The following NXPH1 variants were observed in gnomAD, a reference collection of about 807,000 sequenced individuals.
NXPH1 encodes the protein neurexophilin 1, also known as neurexophilin-1.
In NXPH1, 5 loss-of-function variants were observed where a neutral mutation model predicts 23.7. That is an observed-to-expected ratio of 0.21 (90% CI 0.11 to 0.44). The LOEUF (loss-of-function observed/expected upper bound fraction) is 0.44. NXPH1 is among the 20% of genes least tolerant of loss of function. The probability of loss-of-function intolerance (pLI) is 0.99; values close to 1 mark genes in which losing one functional copy is unlikely to be tolerated. For missense variants in NXPH1, 324 were observed against 321.6 expected, an observed-to-expected ratio of 1.01 and a Z score of -0.06; for synonymous variants, 144 against 122.2, an observed-to-expected ratio of 1.18 and a Z score of -1.18.
chr7:8,611,447 A>C (rs995676119), intron 2 of NXPH1, among the ~76,000 whole-genome samples: 9 of 152,152 alleles, frequency 5.9e-5, no homozygotes, highest in African/African-American at 2.2e-4. Flanking sequence ...AATGAGCATA[A>C]AGTAAGAATA....
At chr7:8,746,160 T>C (rs1228306459) in intron 2 of NXPH1, among the ~76,000 whole-genome samples, 1 of 152,234 alleles carries the variant, frequency 6.6e-6, no homozygotes, top group Non-Finnish European at 1.5e-5. Flanking sequence ...ACAGCTATTT[T>C]GTTAATAAGA....
intron 2 of NXPH1, among the ~76,000 whole-genome samples, chr7:8,448,703 G>A (rs2128605094): frequency 6.6e-6 from 1 of 151,974 alleles, no homozygotes; most frequent in East Asian, 1.9e-4. Flanking sequence ...TGTAGTCCCA[G>A]CTTTGGGAGG....
At chr7:8,463,149 C>T (rs1441994469) in intron 2 of NXPH1, among the ~76,000 whole-genome samples, 1 of 152,048 alleles carries the variant, frequency 6.6e-6, no homozygotes, top group East Asian at 1.9e-4. Flanking sequence ...GAAAATAAGC[C>T]TTTTATAATA....
At chr7:8,628,357 T>A (rs1820039891) in intron 2 of NXPH1, among the ~76,000 whole-genome samples, 1 of 146,734 alleles carries the variant, frequency 6.8e-6, no homozygotes, top group Admixed American at 6.8e-5. Context: ...ATTAGAACAT[T>A]TTATGCATAG....
At chr7:8,651,820 C>T (rs192376566) in intron 2 of NXPH1, among the ~76,000 whole-genome samples, 29 of 152,236 alleles carry the variant, frequency 1.9e-4, no homozygotes, top group African/African-American at 6.5e-4. Flanking sequence ...TTTTTCAATA[C>T]ATTTTTGAAA....
chr7:8,549,727 T>A (rs1818249882), intron 2 of NXPH1, among the ~76,000 whole-genome samples: 1 of 151,592 alleles, frequency 6.6e-6, no homozygotes, highest in Non-Finnish European at 1.5e-5. Context: ...CATATATGTG[T>A]AACTAATTAG....
intron 2 of NXPH1, among the ~76,000 whole-genome samples, chr7:8,549,967 T>A (rs965930425): frequency 6.6e-6 from 1 of 151,576 alleles, no homozygotes; most frequent in African/African-American, 2.4e-5. Context: ...ACAGTGAGGA[T>A]TGAACCCACA....
At chr7:8,550,742 C>T (rs1818264711) in intron 2 of NXPH1, among the ~76,000 whole-genome samples, 1 of 151,534 alleles carries the variant, frequency 6.6e-6, no homozygotes, top group Non-Finnish European at 1.5e-5. Flanking sequence ...GAACCACATG[C>T]ATCTGCAATT....
At chr7:8,577,998 C>T (rs891247468) in intron 2 of NXPH1, among the ~76,000 whole-genome samples, 15 of 152,180 alleles carry the variant, frequency 9.9e-5, no homozygotes, top group Non-Finnish European at 1.9e-4. Flanking sequence ...AGAAACCTCA[C>T]GAAATACTCT....
intron 2 of NXPH1, among the ~76,000 whole-genome samples, chr7:8,723,344 G>C (rs1307262133): frequency 6.6e-6 from 1 of 152,130 alleles, no homozygotes; most frequent in Non-Finnish European, 1.5e-5. Flanking sequence ...CAAATTTCTA[G>C]AAATTCAAGG....
At chr7:8,602,254 AAT>A (rs1819378155) in intron 2 of NXPH1, among the ~76,000 whole-genome samples, 1 of 152,170 alleles carries the variant, frequency 6.6e-6, no homozygotes, top group African/African-American at 2.4e-5. Flanking sequence ...GTGATCCACG[AAT>A]GTGTTCCAAA....
chr7:8,513,776 C>T (rs1388524725), intron 2 of NXPH1, among the ~76,000 whole-genome samples: 3 of 152,112 alleles, frequency 2.0e-5, no homozygotes, highest in Non-Finnish European at 4.4e-5. Flanking sequence ...TATGGTTTGT[C>T]AGACTTGCCT....
At position 8,435,688 on chromosome 7, in the gene NXPH1, G is replaced by T. The variant is rs189097753; in HGVS notation, c.-26G>T. On this transcript the variant is annotated 5_prime_UTR_variant, in exon 2 of 3. Transcript: ENST00000405863. The surrounding 1 kb of genome is among the most constrained non-coding windows in gnomAD (Gnocchi z 5.9). Reference sequence around the variant, plus strand: ...GGAACAAAGACTCAAAGAAGGCACCGCCAAGGAAGTTTGAGACGCGGGAGA... The same window carrying T: ...GGAACAAAGACTCAAAGAAGGCACCTCCAAGGAAGTTTGAGACGCGGGAGA... 6.2e-7 allele frequency: 1 copy of T among 1,612,366 alleles called. No individual in the cohort carries two copies. The highest frequency in any genetic ancestry group is 8.5e-7 in the Non-Finnish European group (1 of 1,178,400).
At chr7:8,477,412 G>A (rs567212811) in intron 2 of NXPH1, among the ~76,000 whole-genome samples, 4 of 152,046 alleles carry the variant, frequency 2.6e-5, no homozygotes, top group Admixed American at 2.6e-4. Flanking sequence ...GTCAAGCTGA[G>A]TTGTTAATCC....
At chr7:8,645,861 C>G (rs1281555259) in intron 2 of NXPH1, among the ~76,000 whole-genome samples, 1 of 152,042 alleles carries the variant, frequency 6.6e-6, no homozygotes, top group Non-Finnish European at 1.5e-5. Context: ...TATATATCAA[C>G]TTTACATATA....
intron 2 of NXPH1, among the ~76,000 whole-genome samples, chr7:8,608,329 A>ATT (rs34703338): frequency 0.025 from 3,648 of 143,740 alleles, 86 homozygotes; most frequent in African/African-American, 0.057. Flanking sequence ...AAATTCAGTG[A>ATT]TTTTTTTTTT....
At chr7:8,559,045 T>C (rs753482278) in intron 2 of NXPH1, among the ~76,000 whole-genome samples, 5 of 151,606 alleles carry the variant, frequency 3.3e-5, no homozygotes, top group Non-Finnish European at 5.9e-5. Context: ...TAGCTTACTA[T>C]AACCTTCAAC....
chr7:8,746,794 A>G (rs1174008159), intron 2 of NXPH1, among the ~76,000 whole-genome samples: 17 of 152,070 alleles, frequency 1.1e-4, no homozygotes, highest in Admixed American at 1.1e-3. Flanking sequence ...ATTTATTTCA[A>G]CCTGATTAAC....
intron 2 of NXPH1, among the ~76,000 whole-genome samples, chr7:8,440,340 T>C (rs769889706): frequency 6.6e-6 from 1 of 152,238 alleles, no homozygotes; most frequent in Non-Finnish European, 1.5e-5. Flanking sequence ...GTCTGAGGCC[T>C]TCTAGTGACA....
Sources: gnomAD v4.1 joint callset for allele counts (sites outside exome capture counted in the v4.1 genomes callset) on GRCh38, gnomAD v4.1.1 for gene constraint, Gnocchi (gnomAD v3.1) non-coding constraint, MANE v1.5 for transcripts, NCBI Gene and HGNC (gene_info 2026-07-23, HGNC 2026-07-21) for gene names.